Variants in CNTNAP2 observed in about 807,000 individuals in gnomAD.
The protein encoded by CNTNAP2 is contactin associated protein 2.
A neutral mutation model predicts 155.2 loss-of-function variants in CNTNAP2; 98 were observed. The ratio of observed to expected loss-of-function variants is 0.63; its 90% CI spans 0.54 to 0.75. The LOEUF is 0.75. Ranked by LOEUF, CNTNAP2 falls within the 30% of genes least tolerant of loss-of-function variation. CNTNAP2 has a pLI of 0.00. For synonymous variants in CNTNAP2, 651 were observed against 631.2 expected (o/e 1.03, Z -0.47); for missense variants, 1,727 against 1,688.1 (o/e 1.02, Z -0.40).
At chr7:147,318,844 C>T (rs2692153) in intron 9 of CNTNAP2, among the ~76,000 whole-genome samples, 79,937 of 151,712 alleles carry the variant, frequency 0.53, 21,854 homozygotes, top group East Asian at 0.73. Context: ...AAAATATATA[C>T]GTATATATTT....
At chr7:147,029,831 T>C (rs745788009) in intron 3 of CNTNAP2, among the ~76,000 whole-genome samples, 45 of 152,264 alleles carry the variant, frequency 3.0e-4, no homozygotes, top group Admixed American at 6.5e-4. Flanking sequence ...AAAGATAAAA[T>C]TGAAAGATGG....
At chr7:148,115,518 C>T (rs1585133384) in intron 15 of CNTNAP2, among the ~76,000 whole-genome samples, 1 of 152,152 alleles carries the variant, frequency 6.6e-6, no homozygotes, top group South Asian at 2.1e-4. Context: ...AAAGGGCTCT[C>T]ACCCAATTAG....
chr7:147,204,461 ACTTAT>A (rs1417975119), intron 8 of CNTNAP2, among the ~76,000 whole-genome samples: 5 of 152,264 alleles, frequency 3.3e-5, no homozygotes, highest in South Asian at 2.1e-4. Context: ...TGGAAAATAA[ACTTAT>A]CTTAATAAGC....
intron 8 of CNTNAP2, among the ~76,000 whole-genome samples, chr7:147,145,133 T>G (rs1296881096): frequency 6.6e-6 from 1 of 152,208 alleles, no homozygotes; most frequent in Non-Finnish European, 1.5e-5. Context: ...GCATATTAAC[T>G]GTTAAGCAAC....
intron 2 of CNTNAP2, among the ~76,000 whole-genome samples, chr7:146,814,907 A>G (rs923941712): frequency 4.6e-5 from 7 of 152,204 alleles, no homozygotes; most frequent in Non-Finnish European, 8.8e-5. Flanking sequence ...GTAAGACACG[A>G]ATGTAACATT....
intron 1 of CNTNAP2, among the ~76,000 whole-genome samples, chr7:146,352,750 GTTTTTT>G (rs531124445): frequency 0.036 from 2,307 of 64,292 alleles, 92 homozygotes; most frequent in Middle Eastern, 0.095. Flanking sequence ...GCATAATTCT[GTTTTTT>G]TTTTTTTTTT....
intron 13 of CNTNAP2, among the ~76,000 whole-genome samples, chr7:147,825,096 T>C (rs17227005): frequency 0.044 from 6,753 of 152,320 alleles, 272 homozygotes; most frequent in Admixed American, 0.12. Flanking sequence ...TACCTAATTT[T>C]TAAAGCATTA....
chr7:146,650,097 G>C (rs1223711550), intron 1 of CNTNAP2, among the ~76,000 whole-genome samples: 11 of 152,094 alleles, frequency 7.2e-5, no homozygotes, highest in Non-Finnish European at 1.2e-4. Context: ...TTGTTGGTGG[G>C]AGTGTAATTT....
chr7:146,384,824 C>CT (rs1033629147), intron 1 of CNTNAP2, among the ~76,000 whole-genome samples: 1 of 152,054 alleles, frequency 6.6e-6, no homozygotes, highest in African/African-American at 2.4e-5. Context: ...CTGTGTTAGT[C>CT]TTTTTTCGAT....
chr7:146,187,051 A>C (rs187946459), intron 1 of CNTNAP2, among the ~76,000 whole-genome samples: 4 of 152,208 alleles, frequency 2.6e-5, no homozygotes, highest in Non-Finnish European at 4.4e-5. Flanking sequence ...ATTCTTGCAG[A>C]AAAAGTCTTA....
In CNTNAP2 at chr7:146,817,346, C is replaced by T. The variant is rs543149274; in HGVS notation, c.209-22365C>T. On this transcript the variant is annotated intron_variant, in intron 2 of 23. Coordinates refer to ENST00000361727, the MANE Select transcript of CNTNAP2 (RefSeq NM_014141.6). The stretch of plus-strand genomic sequence containing the variant: ...AAATTAGCCAGGTTGGTGGCACATG[C>T]CTGTAATCCCAGCTACTCAGGAGGC... 3.9e-5 allele frequency among the ~76,000 whole-genome samples: 6 copies of T among 152,038 alleles called. No homozygotes were observed. The East Asian group carries it at 7.8e-4, about 20-fold the overall frequency.
At chr7:146,478,422 C>T (rs1374191940) in intron 1 of CNTNAP2, among the ~76,000 whole-genome samples, 1 of 152,022 alleles carries the variant, frequency 6.6e-6, no homozygotes, top group Non-Finnish European at 1.5e-5. Context: ...ACATTTTTGC[C>T]TCCTGGACAC....
At chr7:146,323,914 C>T (rs951200752) in intron 1 of CNTNAP2, among the ~76,000 whole-genome samples, 3 of 152,120 alleles carry the variant, frequency 2.0e-5, no homozygotes, top group Admixed American at 6.5e-5. Flanking sequence ...TAAAGTTTAT[C>T]TTTGATGTAA....
chr7:146,969,498 T>C, intron 3 of CNTNAP2, among the ~76,000 whole-genome samples: 1 of 152,172 alleles, frequency 6.6e-6, no homozygotes, highest in Non-Finnish European at 1.5e-5. Flanking sequence ...GGTGCTCTTG[T>C]ATTGGGTGCA....
At chr7:146,944,606 C>T (rs957066868) in intron 3 of CNTNAP2, among the ~76,000 whole-genome samples, 7 of 152,040 alleles carry the variant, frequency 4.6e-5, no homozygotes, top group African/African-American at 7.2e-5. Flanking sequence ...TGCCCAGGCG[C>T]GGGGGCTCAC....
intron 13 of CNTNAP2, among the ~76,000 whole-genome samples, chr7:147,878,023 T>A (rs1364864931): frequency 6.6e-6 from 1 of 152,202 alleles, no homozygotes; most frequent in East Asian, 1.9e-4. Context: ...GTTTTCTAAT[T>A]ACTATATTTT....
intron 1 of CNTNAP2, among the ~76,000 whole-genome samples, chr7:146,562,581 C>A (rs1268728726): frequency 6.6e-6 from 1 of 152,044 alleles, no homozygotes; most frequent in Non-Finnish European, 1.5e-5. Flanking sequence ...TTTATTAAGA[C>A]TGGGCTTTGT....
At chr7:147,575,836 C>A (rs73741409) in intron 12 of CNTNAP2, among the ~76,000 whole-genome samples, 6,353 of 151,814 alleles carry the variant, frequency 0.042, 469 homozygotes, top group African/African-American at 0.15. Flanking sequence ...ATGATAAATT[C>A]TTTCATCTAT....
chr7:147,911,417 G>A (rs1271748935), intron 14 of CNTNAP2, among the ~76,000 whole-genome samples: 2 of 152,188 alleles, frequency 1.3e-5, no homozygotes, highest in Non-Finnish European at 2.9e-5. Flanking sequence ...ATTCCATAAG[G>A]AGGGGTAATG....
Sources: allele counts gnomAD v4.1 joint callset (sites outside exome capture counted in the v4.1 genomes callset), GRCh38; gene constraint gnomAD v4.1.1; transcripts MANE v1.5; gene names NCBI Gene and HGNC (gene_info 2026-07-23, HGNC 2026-07-21).